The following KCNG4 variants were observed in gnomAD, a reference collection of about 807,000 sequenced individuals.
The protein encoded by KCNG4 is potassium voltage-gated channel modifier subfamily G member 4, also known as voltage-gated potassium channel regulatory subunit KCNG4.
A neutral mutation model predicts 28.2 loss-of-function variants in KCNG4; 30 were observed. That is an observed-to-expected ratio of 1.06 (90% CI 0.80 to 1.44). The LOEUF is 1.44. Ranked by LOEUF, KCNG4 falls within the 40% of genes most tolerant of loss-of-function variation. The probability of loss-of-function intolerance (pLI) is 0.00; values close to 1 mark genes in which losing one functional copy is unlikely to be tolerated. For synonymous variants in KCNG4, 375 were observed against 315.5 expected (o/e 1.19, Z -2.00); for missense variants, 879 against 712.3 (o/e 1.23, Z -2.66).
chr16:84,224,743 G>A (rs1052883433), intron 2 of KCNG4, among the ~76,000 whole-genome samples: 1 of 152,184 alleles, frequency 6.6e-6, no homozygotes, highest in Non-Finnish European at 1.5e-5. Context: ...GCCAAGGGGT[G>A]GAGTCCAGAG....
chr16:84,225,491 G>C (rs1287240402), intron 2 of KCNG4, among the ~76,000 whole-genome samples: 2 of 152,210 alleles, frequency 1.3e-5, no homozygotes, highest in African/African-American at 4.8e-5. Flanking sequence ...TGGGGCCCGG[G>C]AATCTACATT....
rs34310014 is a variant in KCNG4 at position 84,236,907 on chromosome 16, G to C, written c.579C>G (p.Pro193=). 2,132 of 1,613,362 alleles carry C rather than the reference G, an allele frequency of 1.3e-3. 18 individuals carry two copies. The African/African-American group carries it at 0.026, about 19-fold the overall frequency. ...GGCCCCAGCGCGAGGAGTGCGAGGC[G>C]GGGCGGCGGGTCTCCCTCTGCTGCC... ...VLRQQRETRR[P]ASHSSRWGLC... Residue 193 remains proline, a synonymous_variant, in exon 2 of 3, where the codon CCC becomes CCG. Coordinates refer to ENST00000308251, the MANE Select transcript of KCNG4 (RefSeq NM_172347.3).
At chr16:84,235,099 G>A (rs1346089524) in intron 2 of KCNG4, among the ~76,000 whole-genome samples, 2 of 152,132 alleles carry the variant, frequency 1.3e-5, no homozygotes, top group Non-Finnish European at 2.9e-5. Context: ...GCAGGTCTGC[G>A]GGCCCACCTC....
intron 2 of KCNG4, 39 bp from the exon 3 acceptor site, chr16:84,223,059 G>C: frequency 6.8e-7 from 1 of 1,465,728 alleles, no homozygotes; most frequent in South Asian, 1.4e-5. Flanking sequence ...GTAGAGAGTG[G>C]ACTTGCAACT....
rs1254051631 is a variant in KCNG4 at position 84,239,789 on chromosome 16, C to CA, written c.-161dup. Reference sequence around the variant, plus strand: ...AGATGAAGGGGAAGAAAAAAATCCCCAAAACAGCAGTTTCTAGCAGAGTCA... The same window carrying CA: ...AGATGAAGGGGAAGAAAAAAATCCCCAAAAACAGCAGTTTCTAGCAGAGTCA... On this transcript the variant is annotated 5_prime_UTR_variant, in exon 1 of 3. It removes the in-frame stop codon of an upstream open reading frame in the 5' UTR. Coordinates refer to ENST00000308251, the MANE Select transcript of KCNG4 (RefSeq NM_172347.3). The CA allele has an allele frequency of 6.6e-6, 1 of 152,070 alleles. No homozygotes were observed. The highest frequency in any genetic ancestry group is 1.5e-5 in the Non-Finnish European group (1 of 68,032). The allele number at this position is 152,070 out of a possible 1,614,324, so 9.4% of individuals were successfully genotyped here. A position where few individuals can be genotyped will look rare whatever the true frequency, so the allele number is the denominator to read the frequency against.
intron 2 of KCNG4, among the ~76,000 whole-genome samples, chr16:84,233,059 C>G (rs186635000): frequency 1.4e-4 from 21 of 151,598 alleles, no homozygotes; most frequent in African/African-American, 5.1e-4. Context: ...TTCCTGTTAA[C>G]TACTACTGAA....
Position 84,221,663 on chromosome 16 carries a change from C to A in KCNG4, c.*554G>T, listed in dbSNP as rs891583990. 3 of 153,288 alleles carry A rather than the reference C, an allele frequency of 2.0e-5. No individual in the cohort carries two copies. The highest frequency in any genetic ancestry group is 7.2e-5 in the African/African-American group (3 of 41,438). The allele number at this position is 153,288 out of a possible 1,614,324, so 9.5% of individuals were successfully genotyped here. A position where few individuals can be genotyped will look rare whatever the true frequency, so the allele number is the denominator to read the frequency against. On this transcript the variant is annotated 3_prime_UTR_variant, in exon 3 of 3. Coordinates refer to ENST00000308251, the MANE Select transcript of KCNG4 (RefSeq NM_172347.3). Reference sequence around the variant, plus strand: ...AGTGTTCAGAGCTGGCGGGAGGTAGCAGCATTAGGGAAATATCACTGGTGG... The same window carrying A: ...AGTGTTCAGAGCTGGCGGGAGGTAGAAGCATTAGGGAAATATCACTGGTGG...
At chr16:84,236,138 T>A (rs948761884) in intron 2 of KCNG4, 1 of 152,682 alleles carries the variant, frequency 6.5e-6, no homozygotes, top group Non-Finnish European at 1.5e-5. Flanking sequence ...CGGGGACCTT[T>A]GCATCATTGG....
At chr16:84,238,071 G>A (rs905187982) in intron 1 of KCNG4, among the ~76,000 whole-genome samples, 1 of 152,194 alleles carries the variant, frequency 6.6e-6, no homozygotes, top group Non-Finnish European at 1.5e-5. Flanking sequence ...GGGGCAGTCT[G>A]AGTGCCCACA....
intron 2 of KCNG4, among the ~76,000 whole-genome samples, chr16:84,232,494 G>A (rs1904850007): frequency 1.3e-5 from 2 of 152,218 alleles, no homozygotes; most frequent in South Asian, 4.1e-4. Flanking sequence ...AAAAGCTTTG[G>A]AACTAGACAG....
In KCNG4 at chr16:84,220,861, C is replaced by T. The variant is rs1439093110; in HGVS notation, c.*1356G>A. 1.3e-5 allele frequency: 2 copies of T among 152,342 alleles called. No homozygotes were observed. Among genetic ancestry groups the T allele is most frequent in the African/African-American group, 2.4e-5 (1 of 41,466 alleles). The allele number at this position is 152,342 out of a possible 1,614,324, so 9.4% of individuals were successfully genotyped here. A position where few individuals can be genotyped will look rare whatever the true frequency, so the allele number is the denominator to read the frequency against. On this transcript the variant is annotated 3_prime_UTR_variant, in exon 3 of 3. Coordinates refer to ENST00000308251, the MANE Select transcript of KCNG4 (RefSeq NM_172347.3). ...CTGGGCTTCTCATGCCCAATCCAGC[C>T]TCATCATCTCCCTAACCCACAGCCT...
chr16:84,236,350 G>C (rs1904948086), intron 2 of KCNG4: 1 of 346,116 alleles, frequency 2.9e-6, no homozygotes, highest in African/African-American at 2.1e-5. Context: ...TCGAGGTGAT[G>C]TTACCCATTT....
chr16:84,237,995 C>T (rs1328189085), intron 1 of KCNG4, among the ~76,000 whole-genome samples: 1 of 152,200 alleles, frequency 6.6e-6, no homozygotes, highest in Non-Finnish European at 1.5e-5. Context: ...GGACCGATCC[C>T]TTACAGACTG....
At position 84,222,126 on chromosome 16, in the gene KCNG4, C is replaced by T; in HGVS notation, c.*91G>A. The T allele has an allele frequency of 7.6e-7, 1 of 1,317,896 alleles. No homozygotes were observed. Among genetic ancestry groups the T allele is most frequent in the Non-Finnish European group, 1.1e-6 (1 of 934,070 alleles). The allele number at this position is 1,317,896 out of a possible 1,614,324, so 81.6% of individuals were successfully genotyped here. A position where few individuals can be genotyped will look rare whatever the true frequency, so the allele number is the denominator to read the frequency against. On this transcript the variant is annotated 3_prime_UTR_variant, in exon 3 of 3. Coordinates refer to ENST00000308251, the MANE Select transcript of KCNG4 (RefSeq NM_172347.3). ...GAAAGTCTTCCCTGGGCTCTAGAAA[C>T]ACCACCAGGTGGTCTATGCGGGGTA...
chr16:84,223,822 A>T (rs892457656), intron 2 of KCNG4, among the ~76,000 whole-genome samples: 1 of 152,100 alleles, frequency 6.6e-6, no homozygotes, highest in Non-Finnish European at 1.5e-5. Flanking sequence ...CATGGTTCTA[A>T]CCCCGGGCAT....
At chr16:84,223,861 C>T (rs1333426490) in intron 2 of KCNG4, among the ~76,000 whole-genome samples, 1 of 152,212 alleles carries the variant, frequency 6.6e-6, no homozygotes, top group Non-Finnish European at 1.5e-5. Flanking sequence ...GATATCGTTT[C>T]TGATGGCTTG....
rs769392799 is a variant in KCNG4, at chr16:84,222,229, G to A, written c.1548C>T (p.Ile516=). The A allele has an allele frequency of 1.2e-6, 2 of 1,614,046 alleles. No individual in the cohort carries two copies. The highest frequency in any genetic ancestry group is 8.5e-7 in the Non-Finnish European group (1 of 1,179,976). ...GGGGGGTGCTGAGTTACATGTGCAT[G>A]ATAGGCAAGGCTGGGCCCTCCAGGA... is the stretch of plus-strand genomic sequence containing the variant. ...DLILEGPALP[I]MHM The change falls in exon 3 of 3, where the codon ATC becomes ATT. Residue 516 remains isoleucine, a synonymous_variant. Coordinates refer to ENST00000308251, the MANE Select transcript of KCNG4 (RefSeq NM_172347.3).
At chr16:84,225,208 C>T (rs917804981) in intron 2 of KCNG4, among the ~76,000 whole-genome samples, 1 of 152,090 alleles carries the variant, frequency 6.6e-6, no homozygotes, top group African/African-American at 2.4e-5. Flanking sequence ...CTCCAGCCCA[C>T]CGAGAGGTCT....
chr16:84,234,903 G>C (rs1360570610), intron 2 of KCNG4, among the ~76,000 whole-genome samples: 1 of 152,158 alleles, frequency 6.6e-6, no homozygotes, highest in East Asian at 1.9e-4. Context: ...CCTGCTCTCT[G>C]AATTATTATC....
Sources: gnomAD v4.1 joint callset for allele counts (sites outside exome capture counted in the v4.1 genomes callset) on GRCh38, gnomAD v4.1.1 for gene constraint, MANE v1.5 for transcripts, NCBI Gene and HGNC (gene_info 2026-07-23, HGNC 2026-07-21) for gene names.